ATP11C: variants seen among roughly 807,000 people sequenced by gnomAD.
The protein encoded by ATP11C is ATPase phospholipid transporting 11C (ATP11C blood group).
Under a neutral mutation model 97.4 loss-of-function variants are expected in ATP11C, and 36 were observed. The ratio of observed to expected loss-of-function variants is 0.37; its 90% CI spans 0.28 to 0.49. ATP11C has a LOEUF of 0.49. Ranked by LOEUF, ATP11C falls within the 20% of genes least tolerant of loss-of-function variation. The probability of loss-of-function intolerance (pLI) is 0.98; values close to 1 mark genes in which losing one functional copy is unlikely to be tolerated. For synonymous variants in ATP11C, 275 were observed against 290.9 expected, an observed-to-expected ratio of 0.95 and a Z score of 0.56; for missense variants, 730 against 824.6, an observed-to-expected ratio of 0.89 and a Z score of 1.40.
intron 1 of ATP11C, among the ~76,000 whole-genome samples, chrX:139,915,163 A>G (rs2085135258): frequency 9.0e-6 from 1 of 111,621 alleles, no homozygotes; most frequent in Non-Finnish European, 1.9e-5. Flanking sequence ...TCAAATCTTG[A>G]CCCATATAAA....
intron 15 of ATP11C, 112 bp from the exon 16 acceptor site, chrX:139,785,411 G>A (rs2082551831): frequency 1.9e-6 from 1 of 519,337 alleles, no homozygotes; most frequent in Non-Finnish European, 3.2e-6. Context: ...AGCACTGGTT[G>A]TGTGCACAAC....
At chrX:139,810,722 A>C (rs1215015854) in intron 5 of ATP11C, among the ~76,000 whole-genome samples, 1 of 111,659 alleles carries the variant, frequency 9.0e-6, no homozygotes, top group Non-Finnish European at 1.9e-5. Context: ...TTTTTACCCA[A>C]GGAGCTTCTT....
chrX:139,863,099 C>T (rs1474232551), intron 1 of ATP11C, among the ~76,000 whole-genome samples: 1 of 111,587 alleles, frequency 9.0e-6, no homozygotes, highest in Non-Finnish European at 1.9e-5. Context: ...CAAAATTATA[C>T]CATGTGCTAC....
chrX:139,782,773 GAAA>G (rs374315625), intron 17 of ATP11C, 45 bp from the exon 18 acceptor site: 4 of 704,730 alleles, frequency 5.7e-6, no homozygotes, highest in Non-Finnish European at 5.9e-6. Flanking sequence ...ATAATAGTTG[GAAA>G]AAAAAAAAAA....
intron 5 of ATP11C, among the ~76,000 whole-genome samples, chrX:139,809,794 T>G (rs1361586146): frequency 9.1e-6 from 1 of 110,239 alleles, no homozygotes; most frequent in African/African-American, 3.3e-5. Flanking sequence ...AGAAACCCCG[T>G]CTCAACTAAA....
At chrX:139,766,436 T>C (rs1012953125) in intron 20 of ATP11C, among the ~76,000 whole-genome samples, 1 of 112,020 alleles carries the variant, frequency 8.9e-6, no homozygotes, top group African/African-American at 3.2e-5. Flanking sequence ...GGACAGATAC[T>C]TTTGAATAGT....
At chrX:139,844,710 C>T (rs1240360072) in intron 1 of ATP11C, among the ~76,000 whole-genome samples, 2 of 111,786 alleles carry the variant, frequency 1.8e-5, no homozygotes, top group Non-Finnish European at 3.8e-5. Flanking sequence ...AGGCCTATCC[C>T]ATTTTATTGA....
chrX:139,880,131 A>G (rs1295333245), intron 1 of ATP11C, among the ~76,000 whole-genome samples: 2 of 111,632 alleles, frequency 1.8e-5, no homozygotes, highest in African/African-American at 6.5e-5. Flanking sequence ...AGAGGGTACA[A>G]AAAGATGAGG....
chrX:139,807,973 A>G (rs1011653956), intron 5 of ATP11C, among the ~76,000 whole-genome samples: 1 of 109,404 alleles, frequency 9.1e-6, no homozygotes, highest in Non-Finnish European at 1.9e-5. Flanking sequence ...AAAAAAAAAA[A>G]GATATTAAAT....
intron 16 of ATP11C, 94 bp from the exon 17 acceptor site, chrX:139,783,361 A>T (rs992395105): frequency 1.7e-6 from 1 of 584,053 alleles, no homozygotes; most frequent in Non-Finnish European, 2.8e-6. Context: ...CTCTCACCCA[A>T]GTGTTGTATA....
chrX:139,900,280 A>C (rs2084876879), intron 1 of ATP11C, among the ~76,000 whole-genome samples: 2 of 108,108 alleles, frequency 1.8e-5, no homozygotes, highest in Non-Finnish European at 3.8e-5. Flanking sequence ...GAGGCAGGAG[A>C]ATCACCTGAT....
At chrX:139,882,676 A>G (rs916856384) in intron 1 of ATP11C, among the ~76,000 whole-genome samples, 2 of 111,571 alleles carry the variant, frequency 1.8e-5, no homozygotes, top group Non-Finnish European at 3.8e-5. Context: ...ACTTGCATGA[A>G]GGACTAATGG....
chrX:139,846,033 C>T (rs981363592), intron 1 of ATP11C, among the ~76,000 whole-genome samples: 3 of 111,816 alleles, frequency 2.7e-5, no homozygotes, highest in Admixed American at 9.6e-5. Context: ...TCACTATGAT[C>T]ATCCAAAAAT....
intron 1 of ATP11C, among the ~76,000 whole-genome samples, chrX:139,838,507 T>C (rs1285498969): frequency 8.9e-6 from 1 of 111,916 alleles, no homozygotes; most frequent in Non-Finnish European, 1.9e-5. Context: ...TCAGCTCCTA[T>C]GAGAAACAGT....
At chrX:139,802,085 T>C (rs192063991) in intron 7 of ATP11C, 151 bp downstream of exon 7, 1 of 464,864 alleles carries the variant, frequency 2.2e-6, no homozygotes, top group East Asian at 3.6e-5. Flanking sequence ...CAAGGCTGAT[T>C]TGATTCATTT....
At chrX:139,793,524 T>A (rs972799420) in intron 12 of ATP11C, among the ~76,000 whole-genome samples, 10 of 111,349 alleles carry the variant, frequency 9.0e-5, no homozygotes, top group African/African-American at 3.3e-4. Flanking sequence ...TGTGAAATGA[T>A]CTATTTTGTA....
intron 1 of ATP11C, among the ~76,000 whole-genome samples, chrX:139,861,017 C>T (rs1296417161): frequency 1.8e-5 from 2 of 111,537 alleles, no homozygotes; most frequent in African/African-American, 3.3e-5. Context: ...CGCCCCAATG[C>T]CCCAGACTCT....
rs763643589 is a variant in ATP11C, at chrX:139,924,616, G to A, written c.27+7400C>T. Among the ~76,000 whole-genome samples, 3 of 111,095 alleles carry A rather than the reference G, an allele frequency of 2.7e-5. 1 individual carries two copies. The South Asian group carries it at 1.1e-3, about 42-fold the overall frequency. ...CTCTGCTTAAGCTGTGTAAACAATA[G>A]GGTTTACACTGAATACCTGCTTTCC... On this transcript the variant is annotated intron_variant, in intron 1 of 29. Coordinates refer to ENST00000682941, the MANE Select transcript of ATP11C (RefSeq NM_001353812.2).
At chrX:139,789,563 T>C (rs1283109343) in intron 12 of ATP11C, 75 bp from the exon 13 acceptor site, 31 of 822,629 alleles carry the variant, frequency 3.8e-5, no homozygotes, top group Non-Finnish European at 4.8e-5. Context: ...AACGCAAAGC[T>C]ATTTTCATAT....
Sources: allele counts gnomAD v4.1 joint callset (sites outside exome capture counted in the v4.1 genomes callset), GRCh38; gene constraint gnomAD v4.1.1; transcripts MANE v1.5; gene names NCBI Gene and HGNC (gene_info 2026-07-23, HGNC 2026-07-21).